RUFY4: variants seen among roughly 807,000 people sequenced by gnomAD.
RUFY4 encodes the protein RUN and FYVE domain-containing protein 4.
RUFY4 carries 73 observed loss-of-function variants against 69.0 expected under a neutral mutation model. The observed-to-expected ratio is 1.06, with a 90% CI of 0.88 to 1.29. The LOEUF is 1.29. Among genes scored for constraint, RUFY4 ranks in the 50% most tolerant of loss-of-function variants. The pLI is 0.00. For synonymous variants in RUFY4, 287 were observed against 271.8 expected (o/e 1.06, Z -0.55); for missense variants, 770 against 705.6 (o/e 1.09, Z -1.03).
chr2:218,052,839 T>G (rs995188752), intron 2 of RUFY4, among the ~76,000 whole-genome samples: 2 of 54,518 alleles, frequency 3.7e-5, no homozygotes, highest in Admixed American at 2.7e-4. Flanking sequence ...AGGTCTAAGG[T>G]TTTTTTTTTC....
chr2:218,073,155 T>G, intron 4 of RUFY4, 88 bp from the exon 7 acceptor site: 1 of 1,479,392 alleles, frequency 6.8e-7, no homozygotes, highest in Non-Finnish European at 9.0e-7. Context: ...GGCTGCTTTG[T>G]TGAGGTTGAG....
At chr2:218,084,420 T>C in intron 9 of RUFY4, among the ~76,000 whole-genome samples, 1 of 151,924 alleles carries the variant, frequency 6.6e-6, no homozygotes, top group Non-Finnish European at 1.5e-5. Flanking sequence ...TTAGTAGAGA[T>C]GGGATTTCAC....
intron 2 of RUFY4, among the ~76,000 whole-genome samples, chr2:218,071,177 A>G (rs985112594): frequency 6.6e-6 from 1 of 152,156 alleles, no homozygotes; most frequent in Non-Finnish European, 1.5e-5. Flanking sequence ...AGCCCCAACT[A>G]TGACCAGCAC....
chr2:218,075,089 A>G lies in RUFY4; in HGVS notation c.601-4A>G. ...GGATGACTGGTTTTGGGTCCTCTCC[A>G]CAGATCCCAGCCGCATATGGAGGGC... On this transcript the variant is annotated splice_polypyrimidine_tract_variant and splice_region_variant and intron_variant, in intron 6 of 10. Transcript: ENST00000344321. The G allele has an allele frequency of 6.6e-7, 1 of 1,513,350 alleles. No individual in the cohort carries two copies. Among genetic ancestry groups the G allele is most frequent in the Non-Finnish European group, 8.9e-7 (1 of 1,126,518 alleles). The allele number at this position is 1,513,350 out of a possible 1,614,324, so 93.7% of individuals were successfully genotyped here.
intron 2 of RUFY4, among the ~76,000 whole-genome samples, chr2:218,040,209 C>T (rs954996123): frequency 3.3e-5 from 5 of 152,172 alleles, no homozygotes; most frequent in South Asian, 4.1e-4. Flanking sequence ...CTGGGACCCC[C>T]GCTTGGTCAT....
rs1026307473 is a variant in RUFY4, at chr2:218,057,078, C to CAAAA, written c.-1157-1504_-1157-1501dup. On this transcript the variant is annotated intron_variant and NMD_transcript_variant, in intron 2 of 13. Coordinates refer to the RUFY4 transcript ENST00000457754. ...TGGGCAACAGAGTGAGACTCTATCTCAAAAAAAAAAAAAAAAGAGAGAGAG... is the reference window on the plus strand; with the variant it reads ...TGGGCAACAGAGTGAGACTCTATCTCAAAAAAAAAAAAAAAAAAAAGAGAGAGAG... Among the ~76,000 whole-genome samples, 33 of 124,416 alleles carry CAAAA rather than the reference C, an allele frequency of 2.7e-4. 1 individual carries two copies. The highest frequency in any genetic ancestry group is 4.3e-3 in the Middle Eastern group (1 of 234). 81.6% of individuals were successfully genotyped at this position (124,416 alleles called of 152,430 possible). A position where few individuals can be genotyped will look rare whatever the true frequency, so the allele number is the denominator to read the frequency against.
chr2:218,055,563 T>G (rs1195870276), intron 2 of RUFY4, among the ~76,000 whole-genome samples: 2 of 152,214 alleles, frequency 1.3e-5, no homozygotes, highest in Non-Finnish European at 2.9e-5. Flanking sequence ...TGTAGTCCAG[T>G]GCATTGTTTT....
chr2:218,076,194 T>C (rs942595455), intron 7 of RUFY4, among the ~76,000 whole-genome samples: 3 of 152,324 alleles, frequency 2.0e-5, no homozygotes, highest in Middle Eastern at 3.4e-3. Context: ...ACCCAGGAAC[T>C]TGCAAGTTTC....
At chr2:218,035,626 G>A (rs112612061) in intron 2 of RUFY4, among the ~76,000 whole-genome samples, 13 of 151,980 alleles carry the variant, frequency 8.6e-5, no homozygotes, top group East Asian at 1.9e-4. Flanking sequence ...TGGGTTTTCC[G>A]CTCCATGCCT....
At chr2:218,061,115 G>T in intron 3 of RUFY4, 1 of 519,432 alleles carries the variant, frequency 1.9e-6, no homozygotes, top group South Asian at 1.7e-5. Flanking sequence ...AGCCAAGATG[G>T]GCAATGTCAG....
exon 2 of RUFY4, chr2:218,070,802 G>A: frequency 6.5e-7 from 1 of 1,537,286 alleles, no homozygotes; most frequent in Non-Finnish European, 8.7e-7. Flanking sequence ...AGGGGCCAGT[G>A]ACGGACACCA....
At chr2:218,061,897 T>C (rs545812059) in intron 3 of RUFY4, among the ~76,000 whole-genome samples, 1 of 152,336 alleles carries the variant, frequency 6.6e-6, no homozygotes, top group South Asian at 2.1e-4. Flanking sequence ...AAGGTTTGAC[T>C]ATAAAAGTGA....
At chr2:218,040,785 T>C (rs1047234652) in intron 2 of RUFY4, among the ~76,000 whole-genome samples, 1 of 152,136 alleles carries the variant, frequency 6.6e-6, no homozygotes, top group African/African-American at 2.4e-5. Context: ...GGACTTATCA[T>C]AGATCCTCAG....
At chr2:218,073,267 T>C (rs1005542026) in exon 5 of RUFY4, 2 of 1,552,418 alleles carry the variant, frequency 1.3e-6, no homozygotes, top group Non-Finnish European at 1.7e-6. Flanking sequence ...CCCGGAGCCC[T>C]CTGCTCTGCC....
chr2:218,079,374 C>G (rs1002655342), intron 8 of RUFY4, among the ~76,000 whole-genome samples: 1 of 152,170 alleles, frequency 6.6e-6, no homozygotes, highest in East Asian at 1.9e-4. Flanking sequence ...GAAAGAAAGA[C>G]AGAAGTTGAG....
At chr2:218,051,842 A>G (rs1301078724) in intron 2 of RUFY4, among the ~76,000 whole-genome samples, 1 of 152,188 alleles carries the variant, frequency 6.6e-6, no homozygotes, top group Non-Finnish European at 1.5e-5. Flanking sequence ...TGCTTTTAGT[A>G]AACAACAACA....
intron 2 of RUFY4, among the ~76,000 whole-genome samples, chr2:218,058,236 C>T (rs1021865861): frequency 3.9e-5 from 6 of 152,328 alleles, no homozygotes; most frequent in Admixed American, 6.5e-5. Context: ...TCCTTGTGTT[C>T]TTCTGATCAC....
intron 2 of RUFY4, among the ~76,000 whole-genome samples, chr2:218,038,511 A>T (rs1345449394): frequency 1.3e-5 from 2 of 152,188 alleles, no homozygotes; most frequent in Non-Finnish European, 2.9e-5. Flanking sequence ...AAGTGAATTG[A>T]TTTAAAGAAT....
intron 2 of RUFY4, among the ~76,000 whole-genome samples, chr2:218,049,550 A>G (rs1227404240): frequency 6.6e-6 from 1 of 150,712 alleles, no homozygotes; most frequent in Non-Finnish European, 1.5e-5. Context: ...CTTGTTGCCC[A>G]GGCTGGAGTG....
Sources: gnomAD v4.1 joint callset for allele counts (sites outside exome capture counted in the v4.1 genomes callset) on GRCh38, gnomAD v4.1.1 for gene constraint, MANE v1.5 for transcripts, NCBI Gene and HGNC (gene_info 2026-07-23, HGNC 2026-07-21) for gene names.